The following TMEM232 variants were observed in gnomAD, a reference collection of about 807,000 sequenced individuals.
The protein encoded by TMEM232 is transmembrane protein 232.
A neutral mutation model predicts 78.8 loss-of-function variants in TMEM232; 80 were observed. The ratio of observed to expected loss-of-function variants is 1.01; its 90% CI spans 0.85 to 1.22. The LOEUF is 1.22. Ranked by LOEUF, TMEM232 falls within the 50% of genes most tolerant of loss-of-function variation. The probability of loss-of-function intolerance (pLI) is 0.00; values close to 1 mark genes in which losing one functional copy is unlikely to be tolerated. For missense variants in TMEM232, 881 were observed against 742.2 expected (o/e 1.19, Z -2.17); for synonymous variants, 297 against 254.3 (o/e 1.17, Z -1.60).
chr5:110,662,386 A>G (rs766895044), intron 2 of TMEM232, among the ~76,000 whole-genome samples: 4 of 152,192 alleles, frequency 2.6e-5, no homozygotes, highest in Non-Finnish European at 5.9e-5. Context: ...GAAGAGATAT[A>G]CCATGTTTAT....
At chr5:110,539,340 A>T (rs2149572628) in intron 11 of TMEM232, among the ~76,000 whole-genome samples, 1 of 152,274 alleles carries the variant, frequency 6.6e-6, no homozygotes, top group Admixed American at 6.5e-5. Flanking sequence ...CATCTTACCC[A>T]TTCTAAAGCC....
intron 2 of TMEM232, among the ~76,000 whole-genome samples, chr5:110,653,106 C>T (rs968912198): frequency 2.0e-5 from 3 of 152,116 alleles, no homozygotes; most frequent in African/African-American, 4.8e-5. Flanking sequence ...ATACCATGAG[C>T]GCTAGAAGAT....
intron 2 of TMEM232, among the ~76,000 whole-genome samples, chr5:110,731,921 T>C (rs1798712335): frequency 6.6e-6 from 1 of 152,202 alleles, no homozygotes; most frequent in Non-Finnish European, 1.5e-5. Context: ...AGGCTGCAAA[T>C]TTTCTGAACT....
intron 12 of TMEM232, among the ~76,000 whole-genome samples, chr5:110,527,649 GAAC>G (rs749057052): frequency 1.3e-5 from 2 of 151,726 alleles, no homozygotes; most frequent in African/African-American, 2.4e-5. Context: ...CAGGTACAAT[GAAC>G]AACAACAACA....
chr5:110,462,529 G>C (rs1431520788), intron 12 of TMEM232, among the ~76,000 whole-genome samples: 1 of 152,174 alleles, frequency 6.6e-6, no homozygotes, highest in Non-Finnish European at 1.5e-5. Flanking sequence ...CGTGCTGGAT[G>C]CTTCCTGCCC....
chr5:110,736,350 T>C (rs1424076696), intron 1 of TMEM232, among the ~76,000 whole-genome samples: 1 of 152,110 alleles, frequency 6.6e-6, no homozygotes, highest in Non-Finnish European at 1.5e-5. Context: ...TTTGCTCTAA[T>C]TTTTTTCTAA....
Position 110,470,201 on chromosome 5 carries a change from A to C in TMEM232, c.1704-45285T>G, listed in dbSNP as rs556966627. Among the ~76,000 whole-genome samples, 50 of 152,150 alleles carry C rather than the reference A, an allele frequency of 3.3e-4. No individual in the cohort carries two copies. In the South Asian group the frequency reaches 8.3e-3, roughly 25 times the overall value. ...GTGCTCCCTGGACCCAAACATCTAG[A>C]AAACCTTCTCTTCCCCAGGGACGGG... On this transcript the variant is annotated intron_variant, in intron 12 of 13. Transcript: ENST00000455884.
chr5:110,622,275 T>C (rs1465904869), intron 7 of TMEM232, among the ~76,000 whole-genome samples: 1 of 152,198 alleles, frequency 6.6e-6, no homozygotes, highest in Non-Finnish European at 1.5e-5. Flanking sequence ...ATGAGATTGC[T>C]AATCATACTA....
At chr5:110,449,615 G>GACATCTCTACACAA (rs1319925283) in intron 12 of TMEM232, among the ~76,000 whole-genome samples, 1 of 151,260 alleles carries the variant, frequency 6.6e-6, no homozygotes, top group Non-Finnish European at 1.5e-5. Flanking sequence ...TTACTTTCTG[G>GACATCTCTACACAA]ACATCTCTAC....
At chr5:110,421,445 C>CT (rs1257153022) in intron 13 of TMEM232, among the ~76,000 whole-genome samples, 1 of 151,438 alleles carries the variant, frequency 6.6e-6, no homozygotes, top group African/African-American at 2.4e-5. Context: ...TTAGGAGGAA[C>CT]TTTTTTTCTC....
chr5:110,602,972 T>A (rs1156261834), intron 10 of TMEM232, among the ~76,000 whole-genome samples: 1 of 152,156 alleles, frequency 6.6e-6, no homozygotes, highest in Admixed American at 6.5e-5. Context: ...TAATAAGGAA[T>A]GAGTTCATGT....
intron 2 of TMEM232, among the ~76,000 whole-genome samples, chr5:110,652,281 AGT>A (rs1491391900): frequency 0.25 from 12,040 of 47,540 alleles, 551 homozygotes; most frequent in Middle Eastern, 0.36. Flanking sequence ...AGCACACAAA[AGT>A]GCACGCGCGC....
chr5:110,630,020 A>G lies in TMEM232; in HGVS notation c.502-2140T>C, dbSNP rs539341549. 9.5e-4 allele frequency among the ~76,000 whole-genome samples: 145 copies of G among 152,288 alleles called. 1 individual carries two copies. The highest frequency in any genetic ancestry group is 1.9e-3 in the Non-Finnish European group (131 of 68,006). On this transcript the variant is annotated intron_variant, in intron 5 of 13. Coordinates refer to ENST00000455884, the MANE Select transcript of TMEM232 (RefSeq NM_001039763.4). The stretch of plus-strand genomic sequence containing the variant: ...GAGCGGGTGATGCATCTTTGATAAT[A>G]CCCTTTAATAAAGCATTCTGTCAAA...
At chr5:110,705,708 GTATA>G (rs60017669) in intron 1 of TMEM232, among the ~76,000 whole-genome samples, 1 of 107,898 alleles carries the variant, frequency 9.3e-6, no homozygotes, top group Non-Finnish European at 1.9e-5. Flanking sequence ...ATATGTGTGT[GTATA>G]TATATATATA....
chr5:110,686,614 C>G (rs965611943), intron 1 of TMEM232, among the ~76,000 whole-genome samples: 1 of 151,878 alleles, frequency 6.6e-6, no homozygotes, highest in African/African-American at 2.4e-5. Context: ...TAACCAGAAC[C>G]CTTATTGAGT....
At chr5:110,723,253 T>G (rs1380636024) in intron 1 of TMEM232, among the ~76,000 whole-genome samples, 15 of 152,164 alleles carry the variant, frequency 9.9e-5, no homozygotes, top group Admixed American at 9.8e-4. Context: ...GTTATTGTTT[T>G]TAATTGAAAT....
chr5:110,711,411 T>A (rs1796461413), intron 1 of TMEM232, among the ~76,000 whole-genome samples: 1 of 152,066 alleles, frequency 6.6e-6, no homozygotes, highest in Non-Finnish European at 1.5e-5. Flanking sequence ...AAAAAAACTA[T>A]CCTAAAATTT....
At chr5:110,653,466 T>C (rs149375813) in intron 2 of TMEM232, among the ~76,000 whole-genome samples, 1 of 152,294 alleles carries the variant, frequency 6.6e-6, no homozygotes, top group Non-Finnish European at 1.5e-5. Flanking sequence ...TTTGTGGAAA[T>C]AGCATGTGAT....
intron 12 of TMEM232, among the ~76,000 whole-genome samples, chr5:110,501,346 TG>T (rs1174161102): frequency 6.6e-6 from 1 of 152,056 alleles, no homozygotes; most frequent in Non-Finnish European, 1.5e-5. Flanking sequence ...ATAAAGGAAT[TG>T]TAAGAGAAAA....
Sources: allele counts gnomAD v4.1 joint callset (sites outside exome capture counted in the v4.1 genomes callset), GRCh38; gene constraint gnomAD v4.1.1; transcripts MANE v1.5; gene names NCBI Gene and HGNC (gene_info 2026-07-23, HGNC 2026-07-21).